The following HELZ variants were observed in gnomAD, a reference collection of about 807,000 sequenced individuals.
HELZ encodes the protein helicase with zinc finger.
Under a neutral mutation model 218.2 loss-of-function variants are expected in HELZ, and 23 were observed. The observed-to-expected ratio is 0.11, with a 90% CI of 0.08 to 0.15. The LOEUF is 0.15. HELZ is among the 10% of genes least tolerant of loss of function. The pLI is 1.00. For synonymous variants in HELZ, 814 were observed against 829.4 expected (o/e 0.98, Z 0.32); for missense variants, 1,813 against 2,353.7 (o/e 0.77, Z 4.75).
intron 31 of HELZ, among the ~76,000 whole-genome samples, chr17:67,103,871 A>T (rs1383473687): frequency 6.6e-6 from 1 of 152,224 alleles, no homozygotes; most frequent in East Asian, 1.9e-4. Context: ...TGTACAATAC[A>T]GTGTGGTACT....
intron 28 of HELZ, among the ~76,000 whole-genome samples, chr17:67,112,907 A>G (rs565621824): frequency 3.9e-5 from 6 of 152,344 alleles, no homozygotes; most frequent in Middle Eastern, 3.4e-3. Context: ...AAAACGAAAG[A>G]AACAAGATGG....
At chr17:67,171,736 TATA>T (rs1478080117) in intron 13 of HELZ, among the ~76,000 whole-genome samples, 3 of 152,160 alleles carry the variant, frequency 2.0e-5, no homozygotes, top group Non-Finnish European at 4.4e-5. Flanking sequence ...CCATTGCAAC[TATA>T]ATAATCAACT....
In HELZ at chr17:67,213,696, T is replaced by TA. The variant is rs1295900217; in HGVS notation, c.247+2202dup. On this transcript the variant is annotated intron_variant, in intron 5 of 32. Transcript: ENST00000358691. ...AAATCCAACTTTTAAGACTATCCTATAAAAAAAAGGGCAACAATAAGAAAG... is the reference window on the plus strand; with the variant it reads ...AAATCCAACTTTTAAGACTATCCTATAAAAAAAAAGGGCAACAATAAGAAAG... Among the ~76,000 whole-genome samples, 6 of 151,448 alleles carry TA rather than the reference T, an allele frequency of 4.0e-5. No individual in the cohort carries two copies. The South Asian group carries it at 6.3e-4, about 16-fold the overall frequency.
intron 1 of HELZ, 119 bp downstream of exon 1, chr17:67,245,029 C>T (rs918350548): frequency 1.0e-6 from 1 of 985,186 alleles, no homozygotes; most frequent in African/African-American, 1.7e-5. Context: ...CCCAGCCTGC[C>T]CCGGGGCCGC....
At chr17:67,078,811 A>T (rs1394324831) in intron 32 of HELZ, among the ~76,000 whole-genome samples, 1 of 152,254 alleles carries the variant, frequency 6.6e-6, no homozygotes, top group African/African-American at 2.4e-5. Context: ...GGAATAGCTA[A>T]CATATAAAAA....
intron 27 of HELZ, among the ~76,000 whole-genome samples, chr17:67,117,445 G>A (rs558502768): frequency 6.6e-6 from 1 of 151,880 alleles, no homozygotes; most frequent in Non-Finnish European, 1.5e-5. Flanking sequence ...CAACATACTG[G>A]TCTTTTTGGA....
intron 3 of HELZ, among the ~76,000 whole-genome samples, chr17:67,235,133 A>C (rs2041142565): frequency 6.6e-6 from 1 of 152,170 alleles, no homozygotes; most frequent in Non-Finnish European, 1.5e-5. Context: ...AGGGTGTGCC[A>C]TGGCACACTG....
At chr17:67,186,306 G>T (rs1197448096) in intron 12 of HELZ, among the ~76,000 whole-genome samples, 1 of 152,050 alleles carries the variant, frequency 6.6e-6, no homozygotes, top group Non-Finnish European at 1.5e-5. Context: ...GAGGCTTCAG[G>T]TTGTCACAAT....
chr17:67,146,013 C>T lies in HELZ; in HGVS notation c.2622-123G>A, dbSNP rs1460507724. 3 of 821,068 alleles carry T rather than the reference C, an allele frequency of 3.7e-6. No individual in the cohort carries two copies. The South Asian group carries it at 5.0e-5, about 14-fold the overall frequency. The allele number at this position is 821,068 out of a possible 1,614,324, so 50.9% of individuals were successfully genotyped here. A position where few individuals can be genotyped will look rare whatever the true frequency, so the allele number is the denominator to read the frequency against. On this transcript the variant is annotated intron_variant, in intron 20 of 32. Coordinates refer to ENST00000358691, the MANE Select transcript of HELZ (RefSeq NM_014877.4). Reference sequence around the variant, plus strand: ...CTTATGTCCATGATTAATTTTACTCCAATCATCTAATACTTGTGATACCAA... The same window carrying T: ...CTTATGTCCATGATTAATTTTACTCTAATCATCTAATACTTGTGATACCAA...
At position 67,177,677 on chromosome 17, in the gene HELZ, A is replaced by G. The variant is rs538627154; in HGVS notation, c.1430+982T>C. On this transcript the variant is annotated intron_variant, in intron 13 of 32. Transcript: ENST00000358691. ...AAAAAAGCCTTTTAAGACACCATCA[A>G]TGGGCCAGGATTTAAAGTCTTAGAG... is the stretch of plus-strand genomic sequence containing the variant. Among the ~76,000 whole-genome samples the G allele has an allele frequency of 5.3e-4, 81 of 152,038 alleles. 1 individual carries two copies. Among genetic ancestry groups the G allele is most frequent in the African/African-American group, 1.9e-3 (79 of 41,564 alleles).
intron 5 of HELZ, among the ~76,000 whole-genome samples, chr17:67,206,542 T>G (rs1226297410): frequency 6.6e-6 from 1 of 152,002 alleles, no homozygotes; most frequent in African/African-American, 2.4e-5. Flanking sequence ...AACAAGCTTA[T>G]AGTAAATGTT....
intron 17 of HELZ, among the ~76,000 whole-genome samples, chr17:67,153,111 G>A (rs898541576): frequency 3.9e-5 from 6 of 152,180 alleles, no homozygotes; most frequent in Admixed American, 3.9e-4. Flanking sequence ...GGTAGTGCCA[G>A]GGAGTATATA....
chr17:67,161,091 AATTT>A lies in HELZ; in HGVS notation c.1896-19_1896-16del, dbSNP rs1295991967. On this transcript the variant is annotated splice_polypyrimidine_tract_variant and intron_variant, in intron 15 of 32. Transcript: ENST00000358691. Reference sequence around the variant, plus strand: ...CATCCCATTGTCTATGGAAAATAAAAATTTATGTTAAACACATGCATCTCGTTAA... The same window carrying A: ...CATCCCATTGTCTATGGAAAATAAAAATGTTAAACACATGCATCTCGTTAA... The A allele has an allele frequency of 1.3e-6, 2 of 1,573,330 alleles. No homozygotes were observed. Among genetic ancestry groups the A allele is most frequent in the African/African-American group, 2.7e-5 (2 of 73,134 alleles).
At chr17:67,235,885 C>T (rs1159526217) in intron 3 of HELZ, among the ~76,000 whole-genome samples, 12 of 151,860 alleles carry the variant, frequency 7.9e-5, no homozygotes, top group African/African-American at 2.9e-4. Context: ...CTCAGACTCC[C>T]GAGTAGCTGG....
At chr17:67,162,912 T>C (rs2039031725) in intron 15 of HELZ, among the ~76,000 whole-genome samples, 1 of 152,184 alleles carries the variant, frequency 6.6e-6, no homozygotes, top group Non-Finnish European at 1.5e-5. Flanking sequence ...CTGTCCATGA[T>C]GGCCCTGCAG....
chr17:67,138,450 A>G (rs2038219098), intron 21 of HELZ, among the ~76,000 whole-genome samples: 1 of 152,170 alleles, frequency 6.6e-6, no homozygotes, highest in Non-Finnish European at 1.5e-5. Flanking sequence ...ATTCTAGGGA[A>G]GGCAAGTTCT....
rs1479512882 is a variant in HELZ at position 67,107,386 on chromosome 17, T to C, written c.5024A>G (p.Lys1675Arg). 6.2e-7 allele frequency: 1 copy of C among 1,614,196 alleles called. No individual in the cohort carries two copies. Among genetic ancestry groups the C allele is most frequent in the Admixed American group, 1.7e-5 (1 of 60,028 alleles). The change falls in exon 31 of 33, where the codon AAA becomes AGA. Residue 1675 changes from lysine (K) to arginine (R), a missense_variant. This residue lies in a region of HELZ where 938 missense variants were observed against 1,027.5 expected (regional missense o/e 0.91). Transcript: ENST00000358691. ...PSEHLAPPPL[K>R]YLAPDGAWTF... is the part of the protein sequence containing the mutation. ...CCATGCTCCATCAGGTGCCAGGTAT[T>C]TCAAGGGAGGAGGGGCAAGGTGTTC...
intron 17 of HELZ, among the ~76,000 whole-genome samples, chr17:67,152,559 A>C (rs918818207): frequency 3.9e-5 from 6 of 152,134 alleles, no homozygotes; most frequent in Non-Finnish European, 7.4e-5. Flanking sequence ...GGCGTTTGCA[A>C]AGGTGGTAAA....
At chr17:67,185,993 G>T (rs537278754) in intron 12 of HELZ, among the ~76,000 whole-genome samples, 1 of 152,102 alleles carries the variant, frequency 6.6e-6, no homozygotes, top group East Asian at 1.9e-4. Flanking sequence ...CAGCTACCAG[G>T]CTCAAAACAT....
Sources: gnomAD v4.1 joint callset for allele counts (sites outside exome capture counted in the v4.1 genomes callset) on GRCh38, gnomAD v4.1.1 for gene constraint, gnomAD v4.1.1 regional missense constraint, MANE v1.5 for transcripts, NCBI Gene and HGNC (gene_info 2026-07-23, HGNC 2026-07-21) for gene names.